The following GPR158 variants were observed in gnomAD, a reference collection of about 807,000 sequenced individuals.
GPR158 encodes G protein-coupled receptor 158.
Under a neutral mutation model 78.2 loss-of-function variants are expected in GPR158, and 30 were observed. The ratio of observed to expected loss-of-function variants is 0.38; its 90% CI spans 0.29 to 0.52. The LOEUF (loss-of-function observed/expected upper bound fraction) is 0.52, where lower values mean the gene tolerates loss of function less well. Ranked by LOEUF, GPR158 falls within the 20% of genes least tolerant of loss-of-function variation. The probability of loss-of-function intolerance (pLI) is 0.83; values close to 1 mark genes in which losing one functional copy is unlikely to be tolerated. For missense variants in GPR158, 1,463 were observed against 1,523.5 expected (o/e 0.96, Z 0.66); for synonymous variants, 581 against 591.1 (o/e 0.98, Z 0.25).
At chr10:25,378,040 C>T (rs1027003113) in intron 2 of GPR158, among the ~76,000 whole-genome samples, 1 of 152,044 alleles carries the variant, frequency 6.6e-6, no homozygotes, top group African/African-American at 2.4e-5. Flanking sequence ...ACTTGTTTGC[C>T]TTTTATTGTT....
chr10:25,299,362 T>C (rs1399742214), intron 2 of GPR158, among the ~76,000 whole-genome samples: 2 of 152,138 alleles, frequency 1.3e-5, no homozygotes, highest in Non-Finnish European at 2.9e-5. Context: ...AGAAAAACTG[T>C]ATGTTTGTAC....
At chr10:25,361,701 G>A (rs775984098) in intron 2 of GPR158, among the ~76,000 whole-genome samples, 3 of 151,878 alleles carry the variant, frequency 2.0e-5, no homozygotes, top group Non-Finnish European at 4.4e-5. Context: ...CATTAAGCAA[G>A]CATCTCTTTG....
At chr10:25,407,484 CAT>C (rs943208569) in intron 3 of GPR158, among the ~76,000 whole-genome samples, 3 of 152,144 alleles carry the variant, frequency 2.0e-5, no homozygotes, top group Non-Finnish European at 4.4e-5. Context: ...GCCTTTTTCA[CAT>C]GTGTCAAGAT....
chr10:25,259,685 A>C (rs1338276281), intron 2 of GPR158, among the ~76,000 whole-genome samples: 2 of 152,138 alleles, frequency 1.3e-5, no homozygotes, highest in African/African-American at 4.8e-5. Context: ...TATAGGGAGA[A>C]CTAACATTAA....
chr10:25,443,106 A>G (rs1371246431), intron 4 of GPR158, among the ~76,000 whole-genome samples: 1 of 151,410 alleles, frequency 6.6e-6, no homozygotes, highest in African/African-American at 2.4e-5. Context: ...TTTTTAAGAG[A>G]CAGGGTATTA....
chr10:25,534,440 C>T (rs944444440), intron 5 of GPR158, among the ~76,000 whole-genome samples: 16 of 151,968 alleles, frequency 1.1e-4, no homozygotes, highest in Admixed American at 2.6e-4. Context: ...AGTTCGAGAC[C>T]ACCCTGGCTA....
chr10:25,175,849 T>A lies in GPR158; in HGVS notation c.429T>A (p.Asn143Lys). The change falls in exon 1 of 11, where the codon AAT becomes AAA. Residue 143 changes from asparagine (N) to lysine (K), a missense_variant. Asn to Lys is a moderately conservative substitution (Grantham distance 94, BLOSUM62 0). Coordinates refer to ENST00000376351, the MANE Select transcript of GPR158 (RefSeq NM_020752.3). This position sits in a 1 kb window ranked among gnomAD's most constrained non-coding sequence, Gnocchi z 6.4. Reference protein sequence around the residue: ...TNFLNVMLQSNKSREQNLQDD... With the variant: ...TNFLNVMLQSKKSREQNLQDD... ...TCCTCAACGTGATGCTGCAGAGCAA[T>A]AAGTCGCGGGAGCAGAACTTGCAGG... 1 of 1,613,746 alleles carries A rather than the reference T, an allele frequency of 6.2e-7. No homozygotes were observed. Among genetic ancestry groups the A allele is most frequent in the Admixed American group, 1.7e-5 (1 of 60,034 alleles).
intron 1 of GPR158, among the ~76,000 whole-genome samples, chr10:25,201,226 G>A (rs1852923963): frequency 6.6e-6 from 1 of 152,040 alleles, no homozygotes; most frequent in South Asian, 2.1e-4. Context: ...TACCTCCCTG[G>A]TTAGGTGTAT....
intron 2 of GPR158, among the ~76,000 whole-genome samples, chr10:25,394,630 C>T (rs1157414438): frequency 1.3e-5 from 2 of 152,194 alleles, no homozygotes; most frequent in South Asian, 2.1e-4. Context: ...TTTTCAATTG[C>T]AGCATATAAA....
chr10:25,370,504 C>G (rs1017615673), intron 2 of GPR158, among the ~76,000 whole-genome samples: 7 of 127,364 alleles, frequency 5.5e-5, no homozygotes, highest in African/African-American at 2.2e-4. Flanking sequence ...ATCTTGAGTT[C>G]TAGTTTGATT....
At chr10:25,226,106 A>G (rs908533470) in intron 2 of GPR158, among the ~76,000 whole-genome samples, 4 of 147,158 alleles carry the variant, frequency 2.7e-5, no homozygotes, top group Non-Finnish European at 5.9e-5. Context: ...TCTTTTCTCC[A>G]GAAAGTTTCT....
intron 2 of GPR158, among the ~76,000 whole-genome samples, chr10:25,384,221 C>T (rs868545315): frequency 6.6e-6 from 1 of 151,802 alleles, no homozygotes; most frequent in African/African-American, 2.4e-5. Context: ...TTAAAATAGC[C>T]TATAGTTTAG....
chr10:25,539,820 A>AT (rs1435818174), intron 5 of GPR158, among the ~76,000 whole-genome samples: 1 of 152,128 alleles, frequency 6.6e-6, no homozygotes, highest in Admixed American at 6.5e-5. Flanking sequence ...TACTTTTGTT[A>AT]TTTTGAATCC....
chr10:25,547,053 T>G (rs1411105336), intron 5 of GPR158, among the ~76,000 whole-genome samples: 1 of 152,086 alleles, frequency 6.6e-6, no homozygotes, highest in African/African-American at 2.4e-5. Context: ...AGCAGGGAAG[T>G]GAGGTGATGA....
chr10:25,383,389 T>G (rs1259009561), intron 2 of GPR158, among the ~76,000 whole-genome samples: 2 of 152,170 alleles, frequency 1.3e-5, no homozygotes, highest in Non-Finnish European at 2.9e-5. Flanking sequence ...AGGAGAGCTA[T>G]GCATTTGCCA....
chr10:25,598,841 G>C lies in GPR158; in HGVS notation c.3215G>C (p.Cys1072Ser). The C allele has an allele frequency of 6.2e-7, 1 of 1,614,150 alleles. No homozygotes were observed. The highest frequency in any genetic ancestry group is 1.6e-4 in the Middle Eastern group (1 of 6,062). The stretch of plus-strand genomic sequence containing the variant: ...AAGCGCATAGATAAGGCTGAAGTAT[G>C]CCTTTGGGAGAGCCAAGGCCAGTCC... ...NQKRIDKAEV[C>S]LWESQGQSIL... The change falls in exon 11 of 11, where the codon TGC (cysteine) becomes TCC (serine). Residue 1072 changes from cysteine (C) to serine (S), a missense_variant. Cys to Ser is a moderately radical substitution (Grantham distance 112). Transcript: ENST00000376351.
intron 5 of GPR158, among the ~76,000 whole-genome samples, chr10:25,541,956 TATATATTATATATTATAATTATAAATTA>T (rs1413970222): frequency 6.8e-6 from 1 of 147,356 alleles, no homozygotes; most frequent in Non-Finnish European, 1.5e-5. Context: ...TTATATAAAT[TATATATTATATATTATAATTATAAATTA>T]TATATTATAA....
Position 25,373,882 on chromosome 10 carries a change from TGAAAA to T in GPR158, c.1009-22025_1009-22021del, listed in dbSNP as rs540848781. Among the ~76,000 whole-genome samples, 12 of 151,912 alleles carry T rather than the reference TGAAAA, an allele frequency of 7.9e-5. No homozygotes were observed. In the South Asian group the frequency reaches 1.2e-3, roughly 16 times the overall value. On this transcript the variant is annotated intron_variant, in intron 2 of 10. Transcript: ENST00000376351. ...ATTTTATAAATCCAATTTATACACT[TGAAAA>T]GAATGACATTTATGCAGTGCTTTTT...
rs143599573 is a variant in GPR158, at chr10:25,545,227, T to C, written c.1405-5749T>C. Among the ~76,000 whole-genome samples the C allele has an allele frequency of 1.7e-3, 252 of 152,300 alleles. 1 individual carries two copies. The highest frequency in any genetic ancestry group is 5.9e-3 in the African/African-American group (245 of 41,556). On this transcript the variant is annotated intron_variant, in intron 5 of 10. Coordinates refer to ENST00000376351, the MANE Select transcript of GPR158 (RefSeq NM_020752.3). ...AATCCTTTGAGTATATACCCAGTAA[T>C]GGGATTGCTGGGTCAAATGTTATTT...
Sources: gnomAD v4.1 joint callset for allele counts (sites outside exome capture counted in the v4.1 genomes callset) on GRCh38, gnomAD v4.1.1 for gene constraint, Gnocchi (gnomAD v3.1) non-coding constraint, MANE v1.5 for transcripts, NCBI Gene and HGNC (gene_info 2026-07-23, HGNC 2026-07-21) for gene names.